Variants in KIF13A observed in about 807,000 individuals in gnomAD.
KIF13A encodes kinesin family member 13A.
A neutral mutation model predicts 212.2 loss-of-function variants in KIF13A; 79 were observed. The ratio of observed to expected loss-of-function variants is 0.37; its 90% CI spans 0.31 to 0.45. The LOEUF is 0.45. Ranked by LOEUF, KIF13A falls within the 20% of genes least tolerant of loss-of-function variation. The pLI, the probability that KIF13A is intolerant of heterozygous loss-of-function variation, is 1.00. For synonymous variants in KIF13A, 789 were observed against 808.6 expected (o/e 0.98, Z 0.41); for missense variants, 1,901 against 2,209.0 (o/e 0.86, Z 2.79).
chr6:17,906,699 C>T (rs1451586410), intron 2 of KIF13A, among the ~76,000 whole-genome samples: 2 of 152,106 alleles, frequency 1.3e-5, no homozygotes, highest in East Asian at 3.9e-4. Flanking sequence ...ATCCTCTTGC[C>T]TCAGCCTCTC....
At position 17,986,976 on chromosome 6, in the gene KIF13A, C is replaced by T; in HGVS notation, c.146+78G>A. On this transcript the variant is annotated intron_variant, in intron 2 of 38. Transcript: ENST00000259711. ...GTCCTCCTAACAATAGGAAAGAGCA[C>T]TCCCATTTTCCTGGCTCAAACTTGC... 4 of 1,018,326 alleles carry T rather than the reference C, an allele frequency of 3.9e-6. No homozygotes were observed. The East Asian group carries it at 7.4e-5, about 19-fold the overall frequency. 63.1% of individuals were successfully genotyped at this position (1,018,326 alleles called of 1,614,324 possible). A position where few individuals can be genotyped will look rare whatever the true frequency, so the allele number is the denominator to read the frequency against.
At chr6:17,890,790 CTAATAA>C (rs71536760) in intron 3 of KIF13A, among the ~76,000 whole-genome samples, 21 of 139,136 alleles carry the variant, frequency 1.5e-4, no homozygotes, top group African/African-American at 3.0e-4. Flanking sequence ...CTATGCCCAG[CTAATAA>C]TAATAATAAT....
chr6:17,855,417 A>T lies in KIF13A; in HGVS notation c.494+20T>A. ...ATTATCTCCCCCTATTAACACACTT[A>T]ATCTTGACCACTAACTTACCCTTTG... On this transcript the variant is annotated intron_variant, in intron 6 of 38. Coordinates refer to ENST00000259711, the MANE Select transcript of KIF13A (RefSeq NM_022113.6). This position sits in a 1 kb window ranked among gnomAD's most constrained non-coding sequence, Gnocchi z 4.1. 1.3e-6 allele frequency: 2 copies of T among 1,576,052 alleles called. No individual in the cohort carries two copies. The highest frequency in any genetic ancestry group is 1.7e-4 in the Middle Eastern group (1 of 5,800).
chr6:17,794,638 C>A lies in KIF13A; in HGVS notation c.3009G>T (p.Glu1003Asp), dbSNP rs1183055763. The A allele has an allele frequency of 6.2e-7, 1 of 1,613,314 alleles. No homozygotes were observed. The highest frequency in any genetic ancestry group is 8.5e-7 in the Non-Finnish European group (1 of 1,179,628). The change falls in exon 24 of 39, where the codon GAG becomes GAT. Residue 1003 changes from glutamate to aspartate, a missense_variant. Physicochemically the swap from Glu to Asp is conservative, Grantham distance 45. Around this residue, in one of 5 missense-constraint regions of KIF13A, gnomAD observed 168 missense variants for 250.9 expected, o/e 0.67. Transcript: ENST00000259711. The surrounding 1 kb of genome is among the most constrained non-coding windows in gnomAD (Gnocchi z 4.1). ...CCTGATGAAGTTCCACTGCAGCATA[C>A]TCTCCTAACTCATTCAATTCTAATA... ...ISILELNELG[E>D]YAAVELHQAK...
rs189018453 is a variant in KIF13A, at chr6:17,897,168, C to T, written c.159+1000G>A. On this transcript the variant is annotated intron_variant, in intron 3 of 38. Coordinates refer to ENST00000259711, the MANE Select transcript of KIF13A (RefSeq NM_022113.6). The surrounding 1 kb of genome is among the most constrained non-coding windows in gnomAD (Gnocchi z 4.8). Reference sequence around the variant, plus strand: ...ATGTCTTCAATAAGTACAAGGTATACAGCAGCATTTTAATGGGTTTCCATA... The same window carrying T: ...ATGTCTTCAATAAGTACAAGGTATATAGCAGCATTTTAATGGGTTTCCATA... Among the ~76,000 whole-genome samples the T allele has an allele frequency of 5.0e-4, 76 of 152,290 alleles. No individual in the cohort carries two copies. Among genetic ancestry groups the T allele is most frequent in the Non-Finnish European group, 9.6e-4 (65 of 68,024 alleles).
rs2150507312 is a variant in KIF13A at position 17,912,954 on chromosome 6, ATTT to A, written c.147-14777_147-14775del. ...ATCTAATCTTTTTATTTTTCTAATT[ATTT>A]TTATTTTTTATACGAGATAGGGTCT... On this transcript the variant is annotated intron_variant, in intron 2 of 38. Coordinates refer to ENST00000259711, the MANE Select transcript of KIF13A (RefSeq NM_022113.6). This position sits in a 1 kb window ranked among gnomAD's most constrained non-coding sequence, Gnocchi z 4.2. Among the ~76,000 whole-genome samples the A allele has an allele frequency of 6.6e-6, 1 of 151,774 alleles. No individual in the cohort carries two copies. Among genetic ancestry groups the A allele is most frequent in the Admixed American group, 6.6e-5 (1 of 15,226 alleles).
chr6:17,859,808 T>C (rs1768558100), intron 4 of KIF13A, among the ~76,000 whole-genome samples: 1 of 151,536 alleles, frequency 6.6e-6, no homozygotes, highest in South Asian at 2.1e-4. Flanking sequence ...GCCAATTTTT[T>C]CTATCTTTAG....
At position 17,799,297 on chromosome 6, in the gene KIF13A, G is replaced by A. The variant is rs866985103; in HGVS notation, c.2759C>T (p.Ala920Val). 3 of 1,609,832 alleles carry A rather than the reference G, an allele frequency of 1.9e-6. No homozygotes were observed. Among genetic ancestry groups the A allele is most frequent in the Non-Finnish European group, 1.7e-6 (2 of 1,177,946 alleles). ...PEVPSPQSKD[A>V]QYTVTFSHCK... is the part of the protein sequence containing the mutation. Reference sequence around the variant, plus strand: ...GTGGGAGAAGGTCACTGTGTACTGGGCATCCTTGGACTGTGGTGAAGGCAC... The same window carrying A: ...GTGGGAGAAGGTCACTGTGTACTGGACATCCTTGGACTGTGGTGAAGGCAC... The change falls in exon 22 of 39, where the codon GCC becomes GTC. Residue 920 changes from alanine (A) to valine (V), a missense_variant. Ala to Val is a moderately conservative substitution (Grantham distance 64). Transcript: ENST00000259711. This position sits in a 1 kb window ranked among gnomAD's most constrained non-coding sequence, Gnocchi z 4.4.
At position 17,869,019 on chromosome 6, in the gene KIF13A, A is replaced by C. The variant is rs12192066; in HGVS notation, c.220+4358T>G. ...AAAAAAAAAAAAAAAAAAAAAAAAA[A>C]ACACAAATAAATAAAATGTAAAATA... is the stretch of plus-strand genomic sequence containing the variant. On this transcript the variant is annotated intron_variant, in intron 4 of 38. Coordinates refer to ENST00000259711, the MANE Select transcript of KIF13A (RefSeq NM_022113.6). Among the ~76,000 whole-genome samples the C allele has an allele frequency of 9.2e-3, 1,164 of 126,336 alleles. 12 individuals carry two copies. Among genetic ancestry groups the C allele is most frequent in the East Asian group, 0.027 (113 of 4,252 alleles). 82.9% of individuals were successfully genotyped at this position (126,336 alleles called of 152,430 possible).
chr6:17,977,039 T>G (rs1780598332), intron 2 of KIF13A, among the ~76,000 whole-genome samples: 1 of 150,482 alleles, frequency 6.6e-6, no homozygotes, highest in African/African-American at 2.4e-5. Context: ...GAAGCAGAGC[T>G]TGCAGTGAGC....
intron 2 of KIF13A, among the ~76,000 whole-genome samples, chr6:17,944,814 G>GA (rs945369617): frequency 4.0e-5 from 6 of 151,410 alleles, no homozygotes; most frequent in South Asian, 4.2e-4. Flanking sequence ...CACCAATGGG[G>GA]AAAAAAAACT....
At chr6:17,822,741 AG>A (rs1764575209) in intron 16 of KIF13A, among the ~76,000 whole-genome samples, 1 of 152,230 alleles carries the variant, frequency 6.6e-6, no homozygotes. Flanking sequence ...ATATCCACTC[AG>A]GCTTCCAAAA....
intron 9 of KIF13A, among the ~76,000 whole-genome samples, chr6:17,847,310 ATGCAGGGC>A (rs950745410): frequency 6.1e-4 from 93 of 152,304 alleles, no homozygotes; most frequent in African/African-American, 2.1e-3. Context: ...TCATTTTGGC[ATGCAGGGC>A]TGCAGTGCCA....
At chr6:17,824,774 A>AAAC (rs1214762206) in intron 16 of KIF13A, among the ~76,000 whole-genome samples, 1 of 148,060 alleles carries the variant, frequency 6.8e-6, no homozygotes, top group East Asian at 1.9e-4. Flanking sequence ...AAAAAAAAAA[A>AAAC]AAAAAACAAA....
At chr6:17,878,074 T>C (rs72839118) in intron 3 of KIF13A, among the ~76,000 whole-genome samples, 7 of 152,352 alleles carry the variant, frequency 4.6e-5, no homozygotes, top group Non-Finnish European at 8.8e-5. Flanking sequence ...ACTTATATTA[T>C]TCATGTCCCT....
rs1286114027 is a variant in KIF13A at position 17,929,622 on chromosome 6, G to A, written c.147-31442C>T. 3.9e-5 allele frequency among the ~76,000 whole-genome samples: 6 copies of A among 152,134 alleles called. 1 individual carries two copies. The East Asian group carries it at 5.8e-4, about 15-fold the overall frequency. The stretch of plus-strand genomic sequence containing the variant: ...TCACCGTGTTAGCCAGCATGGTCTC[G>A]ACCTCCTGACCTCATGATCTGCCCG... On this transcript the variant is annotated intron_variant, in intron 2 of 38. Coordinates refer to ENST00000259711, the MANE Select transcript of KIF13A (RefSeq NM_022113.6).
chr6:17,791,110 T>C (rs80047916), intron 25 of KIF13A, among the ~76,000 whole-genome samples: 1 of 145,122 alleles, frequency 6.9e-6, no homozygotes, highest in African/African-American at 2.5e-5. Flanking sequence ...ATGAACTGCT[T>C]TTTTTTTTTT....
intron 12 of KIF13A, among the ~76,000 whole-genome samples, chr6:17,833,126 GCTAT>G (rs897954367): frequency 6.0e-5 from 9 of 151,258 alleles, no homozygotes; most frequent in Non-Finnish European, 2.9e-5. Flanking sequence ...CAAATTTAGT[GCTAT>G]CTAACACGTC....
In KIF13A at chr6:17,781,164, G is replaced by C. The variant is rs149945816; in HGVS notation, c.3669+13C>G. The stretch of plus-strand genomic sequence containing the variant: ...ATCTGAAGCCTTTTAAGAGAAACTT[G>C]GGGGTTAATTACCTCATCATCACTG... On this transcript the variant is annotated intron_variant, in intron 30 of 38. Coordinates refer to ENST00000259711, the MANE Select transcript of KIF13A (RefSeq NM_022113.6). The C allele has an allele frequency of 1.9e-3, 3,095 of 1,613,760 alleles. 3 individuals carry two copies. The highest frequency in any genetic ancestry group is 1.7e-3 in the Non-Finnish European group (2,041 of 1,179,788).
Sources: gnomAD v4.1 joint callset for allele counts (sites outside exome capture counted in the v4.1 genomes callset) on GRCh38, gnomAD v4.1.1 for gene constraint, gnomAD v4.1.1 regional missense constraint, Gnocchi (gnomAD v3.1) non-coding constraint, MANE v1.5 for transcripts, NCBI Gene and HGNC (gene_info 2026-07-23, HGNC 2026-07-21) for gene names.